DOCK10: variants seen among roughly 807,000 people sequenced by gnomAD.
The protein encoded by DOCK10 is dedicator of cytokinesis protein 10.
DOCK10 carries 145 observed loss-of-function variants against 280.1 expected under a neutral mutation model. The observed-to-expected ratio is 0.52, with a 90% CI of 0.45 to 0.59. The LOEUF is 0.59. DOCK10 is among the 20% of genes least tolerant of loss of function. DOCK10 has a pLI of 0.00. For synonymous variants in DOCK10, 915 were observed against 942.2 expected (o/e 0.97, Z 0.53); for missense variants, 2,368 against 2,651.7 (o/e 0.89, Z 2.35).
chr2:224,814,337 T>G lies in DOCK10; in HGVS notation c.3392A>C (p.Gln1131Pro), dbSNP rs1241946406. ...PDPLTPSEST[Q>P]ELHASDMPEY... ...TCACTTACCTGATGCATGTAACTCT[T>G]GAGTCGATTCTGAAGGTGTCAAAGG... Residue 1131 changes from glutamine (Q) to proline (P), a missense_variant, in exon 31 of 56, where the codon CAA (glutamine) becomes CCA (proline). By Grantham distance (76) the Gln-to-Pro change is moderately conservative. Transcript: ENST00000258390. 2 of 1,535,392 alleles carry G rather than the reference T, an allele frequency of 1.3e-6. No individual in the cohort carries two copies. Among genetic ancestry groups the G allele is most frequent in the Non-Finnish European group, 1.8e-6 (2 of 1,140,418 alleles).
intron 1 of DOCK10, among the ~76,000 whole-genome samples, chr2:225,035,919 G>A (rs1230960550): frequency 6.6e-5 from 10 of 151,526 alleles, no homozygotes; most frequent in Admixed American, 5.9e-4. Context: ...TATCATAAGA[G>A]GTCCACTCTC....
chr2:224,849,680 T>G lies in DOCK10; in HGVS notation c.2143-81A>C, dbSNP rs557112843. 777 of 973,598 alleles carry G rather than the reference T, an allele frequency of 8.0e-4. 5 individuals carry two copies. The highest frequency in any genetic ancestry group is 1.6e-3 in the South Asian group (109 of 68,826). 60.3% of individuals were successfully genotyped at this position (973,598 alleles called of 1,614,324 possible). On this transcript the variant is annotated intron_variant, in intron 18 of 55. Transcript: ENST00000258390. ...GAAAAAAAAGTCCATAACTCTTCAG[T>G]ACCAACCCTGGGACAATGGCAAACT...
chr2:224,952,034 G>C (rs1703770524), intron 1 of DOCK10, among the ~76,000 whole-genome samples: 1 of 152,128 alleles, frequency 6.6e-6, no homozygotes, highest in Non-Finnish European at 1.5e-5. Context: ...TCTCTCTGCT[G>C]TAGCCAGGGA....
chr2:225,019,825 T>A (rs1219211854), intron 1 of DOCK10, among the ~76,000 whole-genome samples: 1 of 152,194 alleles, frequency 6.6e-6, no homozygotes, highest in Non-Finnish European at 1.5e-5. Flanking sequence ...GATTTCATGA[T>A]TCTTAAGTTA....
rs535436284 is a variant in DOCK10 at position 224,886,082 on chromosome 2, T to C, written c.593A>G (p.Asn198Ser). 6.2e-7 allele frequency: 1 copy of C among 1,613,882 alleles called. No homozygotes were observed. The highest frequency in any genetic ancestry group is 2.2e-5 in the East Asian group (1 of 44,874). The change falls in exon 6 of 56, where the codon AAC (asparagine) becomes AGC (serine). Residue 198 changes from asparagine to serine, a missense_variant. By Grantham distance (46) the Asn-to-Ser change is conservative. This residue lies in a region of DOCK10 where 1,209 missense variants were observed against 1,250.9 expected (regional missense o/e 0.97). Coordinates refer to ENST00000258390, the MANE Select transcript of DOCK10 (RefSeq NM_014689.3). ...LYKGNFNSTVNNTVTVRSFKK... is the reference protein window; with the variant it reads ...LYKGNFNSTVSNTVTVRSFKK... ...CCTTACCCGAACAGTAACGGTGTTG[T>C]TCACGGTGCTGTTAAAATTCCCCTT...
chr2:224,973,186 T>G (rs1705194478), intron 1 of DOCK10, among the ~76,000 whole-genome samples: 1 of 152,204 alleles, frequency 6.6e-6, no homozygotes, highest in Admixed American at 6.6e-5. Flanking sequence ...GCCCTTTACT[T>G]GAATTCACTC....
intron 11 of DOCK10, among the ~76,000 whole-genome samples, chr2:224,868,282 A>C (rs887169112): frequency 3.3e-5 from 5 of 152,244 alleles, no homozygotes; most frequent in Admixed American, 2.0e-4. Context: ...AAAATGTCAC[A>C]TACAACAGAG....
intron 2 of DOCK10, among the ~76,000 whole-genome samples, chr2:224,921,108 A>ATATATAT (rs1553613930): frequency 9.8e-5 from 7 of 71,066 alleles, no homozygotes; most frequent in Admixed American, 4.1e-4. Flanking sequence ...AAAAAAAAAA[A>ATATATAT]AAAAATATAT....
At chr2:224,999,246 C>G (rs1575157259) in intron 1 of DOCK10, among the ~76,000 whole-genome samples, 1 of 138,882 alleles carries the variant, frequency 7.2e-6, no homozygotes, top group Non-Finnish European at 1.5e-5. Context: ...CTCTGTCTCT[C>G]TCTCTTTTTT....
At chr2:224,828,175 A>G (rs1694991696) in intron 27 of DOCK10, among the ~76,000 whole-genome samples, 1 of 152,232 alleles carries the variant, frequency 6.6e-6, no homozygotes, top group Admixed American at 6.5e-5. Flanking sequence ...AGCAGGAAAG[A>G]GAATATACCC....
chr2:224,827,564 C>T (rs1413409548), intron 27 of DOCK10, among the ~76,000 whole-genome samples: 1 of 152,156 alleles, frequency 6.6e-6, no homozygotes, highest in East Asian at 1.9e-4. Flanking sequence ...CCAATCCACT[C>T]TTCTTACAGA....
chr2:224,888,696 T>C (rs1288535430), intron 4 of DOCK10, among the ~76,000 whole-genome samples: 1 of 151,490 alleles, frequency 6.6e-6, no homozygotes, highest in African/African-American at 2.4e-5. Flanking sequence ...TGTGTGTATG[T>C]ATATGTGGTG....
chr2:225,034,054 G>A (rs113547772), intron 1 of DOCK10, among the ~76,000 whole-genome samples: 1 of 152,226 alleles, frequency 6.6e-6, no homozygotes, highest in Non-Finnish European at 1.5e-5. Flanking sequence ...GACTGAAGCA[G>A]AGCAAAAGTA....
intron 4 of DOCK10, among the ~76,000 whole-genome samples, chr2:224,890,484 C>T (rs925540204): frequency 6.6e-5 from 10 of 152,108 alleles, no homozygotes; most frequent in Non-Finnish European, 1.3e-4. Flanking sequence ...CTATAAATTT[C>T]ACAAAAAAGC....
At chr2:224,999,660 C>A (rs1706373392) in intron 1 of DOCK10, among the ~76,000 whole-genome samples, 1 of 149,448 alleles carries the variant, frequency 6.7e-6, no homozygotes, top group Non-Finnish European at 1.5e-5. Context: ...GTGCAAATCT[C>A]AAAAATAATA....
intron 28 of DOCK10, 51 bp from the exon 29 acceptor site, chr2:224,819,580 A>G: frequency 1.7e-6 from 2 of 1,187,628 alleles, no homozygotes; most frequent in Non-Finnish European, 2.4e-6. Context: ...AAGAATCATT[A>G]AAGATTTTAG....
chr2:224,959,591 G>T (rs533379838), intron 1 of DOCK10, among the ~76,000 whole-genome samples: 2 of 152,162 alleles, frequency 1.3e-5, no homozygotes, highest in African/African-American at 4.8e-5. Context: ...TACTTCAGAA[G>T]GAAACAGCTG....
intron 27 of DOCK10, among the ~76,000 whole-genome samples, chr2:224,826,910 C>T (rs1694903979): frequency 6.6e-6 from 1 of 151,876 alleles, no homozygotes; most frequent in African/African-American, 2.4e-5. Context: ...CTGCAGTGAG[C>T]TATGATTGTG....
At chr2:224,830,081 C>G (rs542456022) in intron 27 of DOCK10, among the ~76,000 whole-genome samples, 4 of 152,326 alleles carry the variant, frequency 2.6e-5, no homozygotes, top group South Asian at 2.1e-4. Context: ...ACCCTCCCCC[C>G]AGGCTGCTCC....
Sources: allele counts gnomAD v4.1 joint callset (sites outside exome capture counted in the v4.1 genomes callset), GRCh38; gene constraint gnomAD v4.1.1; regional missense constraint gnomAD v4.1.1; transcripts MANE v1.5; gene names NCBI Gene and HGNC (gene_info 2026-07-23, HGNC 2026-07-21).